Variants in MTMR9 observed in about 807,000 individuals in gnomAD.
MTMR9 encodes the protein myotubularin related protein 9.
MTMR9 carries 39 observed loss-of-function variants against 69.5 expected under a neutral mutation model. The observed-to-expected ratio is 0.56, with a 90% CI of 0.43 to 0.73. The LOEUF (loss-of-function observed/expected upper bound fraction) is 0.73, where lower values mean the gene tolerates loss of function less well. Among genes scored for constraint, MTMR9 ranks in the 30% least tolerant of loss-of-function variants. The probability of loss-of-function intolerance (pLI) is 0.00; values close to 1 mark genes in which losing one functional copy is unlikely to be tolerated. For missense variants in MTMR9, 900 were observed against 671.2 expected, an observed-to-expected ratio of 1.34 and a Z score of -3.77; for synonymous variants, 354 against 240.8, an observed-to-expected ratio of 1.47 and a Z score of -4.35.
intron 1 of MTMR9, among the ~76,000 whole-genome samples, chr8:11,293,961 A>G (rs1192233221): frequency 6.6e-6 from 1 of 152,184 alleles, no homozygotes; most frequent in Admixed American, 6.5e-5. Context: ...GTAAGCCTTG[A>G]AATTGTGTAG....
intron 1 of MTMR9, among the ~76,000 whole-genome samples, chr8:11,287,764 TTTA>T (rs1393262375): frequency 7.5e-6 from 1 of 133,332 alleles, no homozygotes; most frequent in Non-Finnish European, 1.5e-5. Context: ...TTATTATTTA[TTTA>T]TTATATATTT....
At chr8:11,329,616 C>T (rs545525385), downstream of MTMR9, among the ~76,000 whole-genome samples, 5 of 152,384 alleles carry the variant, frequency 3.3e-5, no homozygotes, top group South Asian at 1.0e-3. Flanking sequence ...TCACTCAGTG[C>T]TCAATGTTGC....
At chr8:11,320,597 G>A (rs1031002247) in intron 9 of MTMR9, 1 of 152,180 alleles carries the variant, frequency 6.6e-6, no homozygotes, top group African/African-American at 2.4e-5. Context: ...GGCCAATTTG[G>A]TGGTGCGGGT....
chr8:11,319,654 A>C, intron 8 of MTMR9, 33 bp from the exon 9 acceptor site: 1 of 1,609,866 alleles, frequency 6.2e-7, no homozygotes, highest in South Asian at 1.1e-5. Context: ...TTATAAATTA[A>C]TTACTTTAAT....
chr8:11,295,654 G>C (rs1799528724), intron 2 of MTMR9, among the ~76,000 whole-genome samples: 1 of 152,182 alleles, frequency 6.6e-6, no homozygotes, highest in African/African-American at 2.4e-5. Flanking sequence ...AGAAGATTTA[G>C]TAAAGAGGTT....
chr8:11,333,474 A>T, the MTMR9 span, among the ~76,000 whole-genome samples: 1 of 152,214 alleles, frequency 6.6e-6, no homozygotes, highest in Non-Finnish European at 1.5e-5. Context: ...GGATCTTGTT[A>T]CTGCGAGATA....
At chr8:11,335,944 G>T in the MTMR9 span, among the ~76,000 whole-genome samples, 2 of 152,170 alleles carry the variant, frequency 1.3e-5, no homozygotes, top group Admixed American at 1.3e-4. Context: ...CGTGAAGTTG[G>T]GGGGAGGACA....
At chr8:11,329,317 C>A (rs889845034), downstream of MTMR9, among the ~76,000 whole-genome samples, 1 of 152,196 alleles carries the variant, frequency 6.6e-6, no homozygotes, top group South Asian at 2.1e-4. Flanking sequence ...CACTTGAGCC[C>A]AGGAGTTCCC....
downstream of MTMR9, among the ~76,000 whole-genome samples, chr8:11,330,184 G>A (rs372527337): frequency 8.6e-5 from 13 of 151,570 alleles, no homozygotes; most frequent in South Asian, 4.2e-4. Context: ...CAGCCGCCCC[G>A]TCCGGGAGGG....
At chr8:11,290,361 G>A (rs1451548747) in intron 1 of MTMR9, among the ~76,000 whole-genome samples, 2 of 151,938 alleles carry the variant, frequency 1.3e-5, no homozygotes, top group African/African-American at 2.4e-5. Context: ...CTCTGTGGGT[G>A]TTCATTCTCC....
chr8:11,291,953 G>T (rs1799391728), intron 1 of MTMR9, among the ~76,000 whole-genome samples: 1 of 152,108 alleles, frequency 6.6e-6, no homozygotes. Flanking sequence ...GATGTGTGTT[G>T]ATATATGTAC....
At chr8:11,329,626 C>T (rs1197890206), downstream of MTMR9, among the ~76,000 whole-genome samples, 1 of 152,242 alleles carries the variant, frequency 6.6e-6, no homozygotes, top group Non-Finnish European at 1.5e-5. Context: ...CTCAATGTTG[C>T]CCAGGCTGGA....
chr8:11,333,611 G>A, the MTMR9 span, among the ~76,000 whole-genome samples: 1 of 152,098 alleles, frequency 6.6e-6, no homozygotes, highest in African/African-American at 2.4e-5. Context: ...ATAAAAACCA[G>A]TATTATTATA....
rs1800819185 is a variant in MTMR9 at position 11,324,173 on chromosome 8, CTG to C, written c.*1391_*1392del. On this transcript the variant is annotated 3_prime_UTR_variant, in exon 10 of 10. Transcript: ENST00000221086. The stretch of plus-strand genomic sequence containing the variant: ...CACTACACTGAACCCTGCTTTAGAG[CTG>C]TGTGTTGAGCTAAAAATATAATTTT... The C allele has an allele frequency of 6.6e-6, 1 of 152,144 alleles. No individual in the cohort carries two copies. Among genetic ancestry groups the C allele is most frequent in the Non-Finnish European group, 1.5e-5 (1 of 68,026 alleles). 9.4% of individuals were successfully genotyped at this position (152,144 alleles called of 1,614,324 possible). A position where few individuals can be genotyped will look rare whatever the true frequency, so the allele number is the denominator to read the frequency against.
At chr8:11,335,145 A>G in the MTMR9 span, among the ~76,000 whole-genome samples, 1 of 152,352 alleles carries the variant, frequency 6.6e-6, no homozygotes, top group Non-Finnish European at 1.5e-5. Context: ...TTGTTCACAG[A>G]TGATATGATT....
the MTMR9 span, among the ~76,000 whole-genome samples, chr8:11,338,322 C>T: frequency 6.6e-5 from 10 of 152,232 alleles, no homozygotes; most frequent in East Asian, 1.9e-3. Flanking sequence ...GAGGTCTTCC[C>T]ATCATAATAG....
chr8:11,298,991 G>A (rs1479584930), intron 2 of MTMR9: 10 of 595,070 alleles, frequency 1.7e-5, no homozygotes, highest in African/African-American at 4.1e-5. Context: ...TAGGAAGAGA[G>A]GAAATGAACA....
At chr8:11,330,137 G>A (rs140597055), downstream of MTMR9, among the ~76,000 whole-genome samples, 2,831 of 151,420 alleles carry the variant, frequency 0.019, 79 homozygotes, top group African/African-American at 0.065. Context: ...CAGCAGCCCC[G>A]TCCGGGAGGG....
intron 5 of MTMR9, among the ~76,000 whole-genome samples, chr8:11,307,465 C>T (rs928530786): frequency 1.3e-5 from 2 of 152,154 alleles, no homozygotes; most frequent in Non-Finnish European, 2.9e-5. Flanking sequence ...AGGTTGAATC[C>T]ATATCTTGAC....
Sources: allele counts gnomAD v4.1 joint callset (sites outside exome capture counted in the v4.1 genomes callset), GRCh38; gene constraint gnomAD v4.1.1; transcripts MANE v1.5; gene names NCBI Gene and HGNC (gene_info 2026-07-23, HGNC 2026-07-21).